Variants in FRMPD4 observed in about 807,000 individuals in gnomAD.
The protein encoded by FRMPD4 is FERM and PDZ domain containing 4, also known as FERM and PDZ domain-containing protein 4.
FRMPD4 carries 22 observed loss-of-function variants against 94.1 expected under a neutral mutation model. That is an observed-to-expected ratio of 0.23 (90% confidence interval 0.17 to 0.33). FRMPD4 has a LOEUF of 0.33. Ranked by LOEUF, FRMPD4 falls within the 10% of genes least tolerant of loss-of-function variation. The probability of loss-of-function intolerance (pLI) is 1.00; values close to 1 mark genes in which losing one functional copy is unlikely to be tolerated. For synonymous variants in FRMPD4, 631 were observed against 548.6 expected (o/e 1.15, Z -2.10); for missense variants, 1,111 against 1,339.9 (o/e 0.83, Z 2.67).
At chrX:12,124,318 A>T (rs2055481660) in intron 3 of FRMPD4, among the ~76,000 whole-genome samples, 1 of 111,755 alleles carries the variant, frequency 8.9e-6, no homozygotes, top group Non-Finnish European at 1.9e-5. Flanking sequence ...TTAAATAAGT[A>T]TTTTTTTCTC....
intron 1 of FRMPD4, among the ~76,000 whole-genome samples, chrX:12,331,346 A>G (rs1448436506): frequency 9.4e-6 from 1 of 105,959 alleles, no homozygotes; most frequent in Non-Finnish European, 1.9e-5. Context: ...AGAAAATAAC[A>G]ATAGTAGTCC....
intron 3 of FRMPD4, among the ~76,000 whole-genome samples, chrX:12,039,157 C>A (rs909578815): frequency 9.1e-6 from 1 of 109,840 alleles, no homozygotes; most frequent in African/African-American, 3.3e-5. Context: ...CATGTACCAA[C>A]AAGCCTGGCT....
chrX:12,108,424 T>C (rs1214567580), intron 3 of FRMPD4, among the ~76,000 whole-genome samples: 44 of 111,773 alleles, frequency 3.9e-4, no homozygotes, highest in Non-Finnish European at 7.5e-5. Flanking sequence ...CTGAAGGAAG[T>C]ACTAAACATG....
chrX:12,148,711 TC>T (rs1229880339), intron 1 of FRMPD4, among the ~76,000 whole-genome samples: 1 of 112,331 alleles, frequency 8.9e-6, no homozygotes, highest in Non-Finnish European at 1.9e-5. Context: ...ATGCCTGGCT[TC>T]AAAGCTTGAA....
At chrX:12,287,083 G>A (rs1299546024) in intron 1 of FRMPD4, among the ~76,000 whole-genome samples, 1 of 112,326 alleles carries the variant, frequency 8.9e-6, no homozygotes, top group Non-Finnish European at 1.9e-5. Flanking sequence ...TTCATTCACT[G>A]AATGTCTGAT....
At chrX:11,857,365 C>G (rs1259162483) in intron 1 of FRMPD4, among the ~76,000 whole-genome samples, 2 of 111,167 alleles carry the variant, frequency 1.8e-5, no homozygotes, top group African/African-American at 6.5e-5. Flanking sequence ...AAAAAAAGAA[C>G]TATAGACAAA....
At chrX:12,410,086 A>C (rs2056713314) in intron 1 of FRMPD4, among the ~76,000 whole-genome samples, 1 of 110,971 alleles carries the variant, frequency 9.0e-6, no homozygotes, top group African/African-American at 3.3e-5. Context: ...CTTTTTTGTG[A>C]GTGGGGAGAG....
chrX:12,267,578 G>A (rs142966823), intron 1 of FRMPD4, among the ~76,000 whole-genome samples: 90 of 111,998 alleles, frequency 8.0e-4, no homozygotes, highest in African/African-American at 2.6e-3. Context: ...ATACATATTC[G>A]TCTACATGGA....
chrX:11,934,270 T>C (rs184718824), intron 3 of FRMPD4, among the ~76,000 whole-genome samples: 28 of 112,303 alleles, frequency 2.5e-4, no homozygotes, highest in African/African-American at 6.5e-4. Flanking sequence ...AGCAGGAAAG[T>C]GTGCTTGAGT....
chrX:11,879,902 C>G (rs758903772), intron 3 of FRMPD4, among the ~76,000 whole-genome samples: 1 of 112,269 alleles, frequency 8.9e-6, no homozygotes, highest in South Asian at 3.7e-4. Flanking sequence ...AGTCTGTCTT[C>G]CAATGGAGCA....
intron 1 of FRMPD4, among the ~76,000 whole-genome samples, chrX:12,168,842 G>A (rs1291056032): frequency 9.0e-6 from 1 of 110,824 alleles, no homozygotes; most frequent in Non-Finnish European, 1.9e-5. Flanking sequence ...AGCCAGGATG[G>A]TCTCCATTTC....
chrX:12,332,791 C>T (rs1025621863), intron 1 of FRMPD4, among the ~76,000 whole-genome samples: 2 of 111,692 alleles, frequency 1.8e-5, no homozygotes, highest in Non-Finnish European at 3.8e-5. Context: ...AAATAAAAGC[C>T]ACTAATAACC....
intron 13 of FRMPD4, among the ~76,000 whole-genome samples, chrX:12,709,620 C>T (rs2041945218): frequency 9.0e-6 from 1 of 111,328 alleles, no homozygotes; most frequent in African/African-American, 3.3e-5. Flanking sequence ...GCAGTAATTT[C>T]CACTTGAATT....
intron 1 of FRMPD4, among the ~76,000 whole-genome samples, chrX:12,456,726 C>T (rs2057337717): frequency 8.8e-6 from 1 of 113,008 alleles, no homozygotes. Flanking sequence ...GTAATATTTG[C>T]ATTCTGCAAA....
chrX:12,622,011 AAAGAAAGGAAGG>A (rs1569370105), intron 4 of FRMPD4, among the ~76,000 whole-genome samples: 15 of 35,903 alleles, frequency 4.2e-4, no homozygotes, highest in African/African-American at 8.5e-4. Context: ...AGAAAGAAAG[AAAGAAAGGAAGG>A]AAGGAAGGAA....
chrX:12,562,566 A>G, intron 2 of FRMPD4, among the ~76,000 whole-genome samples: 1 of 112,687 alleles, frequency 8.9e-6, no homozygotes, highest in Non-Finnish European at 1.9e-5. Context: ...ACAAAGTGCT[A>G]TGATTAATTC....
chrX:12,612,632 C>A lies in FRMPD4; in HGVS notation c.320-2147C>A, dbSNP rs753383386. Among the ~76,000 whole-genome samples the A allele has an allele frequency of 7.3e-4, 82 of 112,492 alleles. 1 individual carries two copies. The highest frequency in any genetic ancestry group is 2.4e-3 in the African/African-American group (73 of 31,025). Reference sequence around the variant, plus strand: ...TTGCTTGATTAGACAAGAATAGTTTCATTTGATCAAAAAGCATGGGTCAAA... The same window carrying A: ...TTGCTTGATTAGACAAGAATAGTTTAATTTGATCAAAAAGCATGGGTCAAA... On this transcript the variant is annotated intron_variant, in intron 3 of 16. Transcript: ENST00000675598.
chrX:11,919,882 T>C (rs2054045598), intron 3 of FRMPD4, among the ~76,000 whole-genome samples: 1 of 112,460 alleles, frequency 8.9e-6, no homozygotes, highest in Admixed American at 9.4e-5. Flanking sequence ...TGGATTAGTA[T>C]TAAACTATTC....
In FRMPD4 at chrX:12,482,764, T is replaced by G. The variant is rs140202270; in HGVS notation, c.42-15916T>G. On this transcript the variant is annotated intron_variant, in intron 1 of 16. Coordinates refer to ENST00000675598, the MANE Select transcript of FRMPD4 (RefSeq NM_001368397.1). ...AATATTATTTCAATATGTAATCAAT[T>G]TATCAAAAATATTGAGACTTTTTAT... 2.9e-3 allele frequency among the ~76,000 whole-genome samples: 329 copies of G among 112,604 alleles called. 1 individual carries two copies. Among genetic ancestry groups the G allele is most frequent in the African/African-American group, 0.01 (311 of 31,027 alleles).
Sources: allele counts gnomAD v4.1 joint callset (sites outside exome capture counted in the v4.1 genomes callset), GRCh38; gene constraint gnomAD v4.1.1; transcripts MANE v1.5; gene names NCBI Gene and HGNC (gene_info 2026-07-23, HGNC 2026-07-21).